DHX32: variants seen among roughly 807,000 people sequenced by gnomAD.
DHX32 encodes the protein putative pre-mRNA-splicing factor ATP-dependent RNA helicase DHX32.
Under a neutral mutation model 70.0 loss-of-function variants are expected in DHX32, and 51 were observed. The ratio of observed to expected loss-of-function variants is 0.73; its 90% CI spans 0.58 to 0.92. DHX32 has a LOEUF of 0.92. DHX32 is among the 40% of genes least tolerant of loss of function. The pLI is 0.00. For missense variants in DHX32, 762 were observed against 891.8 expected (o/e 0.85, Z 1.85); for synonymous variants, 310 against 315.3 (o/e 0.98, Z 0.18).
Position 125,841,828 on chromosome 10 carries a change from A to G in DHX32, c.1458T>C (p.Leu486=). The change falls in exon 7 of 11, where the codon CTT becomes CTC. Residue 486 remains leucine (L), a synonymous_variant. Coordinates refer to ENST00000284690, the MANE Select transcript of DHX32 (RefSeq NM_018180.3). ...EFGIIMSEFP[L]DPQLSKSILA... is the part of the protein sequence containing the mutation. ...AGATAGACTTCGAGAGTTGTGGATC[A>G]AGAGGAAACTCTGACATGATGATTC... The G allele has an allele frequency of 6.2e-7, 1 of 1,613,918 alleles. No homozygotes were observed. The highest frequency in any genetic ancestry group is 8.5e-7 in the Non-Finnish European group (1 of 1,179,982).
intron 1 of DHX32, among the ~76,000 whole-genome samples, chr10:125,894,995 C>T (rs1030646863): frequency 6.6e-6 from 1 of 152,304 alleles, no homozygotes; most frequent in Non-Finnish European, 1.5e-5. Context: ...ACTTTCCACC[C>T]TTAATTTATT....
intron 7 of DHX32, 165 bp downstream of exon 7, chr10:125,841,578 C>T: frequency 7.0e-7 from 1 of 1,430,772 alleles, no homozygotes; most frequent in African/African-American, 1.4e-5. Context: ...GAAAATTTTC[C>T]TTTTCTAACC....
chr10:125,860,505 G>C (rs1039946145), intron 2 of DHX32, among the ~76,000 whole-genome samples: 2 of 152,136 alleles, frequency 1.3e-5, no homozygotes, highest in Non-Finnish European at 2.9e-5. Context: ...TCATTAAGAT[G>C]TCATCCAAAT....
intron 8 of DHX32, 114 bp from the exon 9 acceptor site, chr10:125,839,302 G>T: frequency 9.3e-7 from 1 of 1,071,244 alleles, no homozygotes; most frequent in Non-Finnish European, 1.3e-6. Context: ...TACAAAGGAG[G>T]CCACGTAGGT....
At chr10:125,836,911 C>A in intron 10 of DHX32, 56 bp from the exon 11 acceptor site, 1 of 1,510,738 alleles carries the variant, frequency 6.6e-7, no homozygotes, top group Non-Finnish European at 9.1e-7. Flanking sequence ...GTGAGAGACA[C>A]CAAACATTAT....
intron 6 of DHX32, 102 bp from the exon 7 acceptor site, chr10:125,842,036 C>T (rs1306850852): frequency 4.4e-6 from 6 of 1,360,478 alleles, no homozygotes; most frequent in Non-Finnish European, 5.7e-6. Flanking sequence ...AAACAATGGA[C>T]AAAATATGTG....
rs150124444 is a variant in DHX32 at position 125,838,399 on chromosome 10, A to G, written c.1882-12T>C. On this transcript the variant is annotated splice_polypyrimidine_tract_variant and intron_variant, in intron 9 of 10. Coordinates refer to ENST00000284690, the MANE Select transcript of DHX32 (RefSeq NM_018180.3). ...ACATCCCGAGCAATCTGAAAGGCAG[A>G]ATTTTAAAGAAAAAAGATTTTGTAT... 6.4e-7 allele frequency: 1 copy of G among 1,551,176 alleles called. No homozygotes were observed. The highest frequency in any genetic ancestry group is 1.4e-5 in the African/African-American group (1 of 72,146).
At chr10:125,873,104 A>G (rs1352611773) in intron 1 of DHX32, among the ~76,000 whole-genome samples, 2 of 152,154 alleles carry the variant, frequency 1.3e-5, no homozygotes, top group Non-Finnish European at 2.9e-5. Context: ...ATCTGCAACC[A>G]GATCCAGATC....
intron 2 of DHX32, among the ~76,000 whole-genome samples, chr10:125,862,865 CA>C (rs930452591): frequency 1.8e-4 from 25 of 136,216 alleles, no homozygotes; most frequent in South Asian, 2.3e-4. Context: ...CAAAACAAAG[CA>C]AAAAAAAAAA....
At chr10:125,868,468 C>T (rs920787529) in intron 1 of DHX32, among the ~76,000 whole-genome samples, 3 of 152,098 alleles carry the variant, frequency 2.0e-5, no homozygotes, top group African/African-American at 7.2e-5. Flanking sequence ...CATAACTCAC[C>T]AGAAATACAA....
chr10:125,894,412 T>C (rs1466943104), intron 1 of DHX32, among the ~76,000 whole-genome samples: 1 of 152,228 alleles, frequency 6.6e-6, no homozygotes, highest in Non-Finnish European at 1.5e-5. Context: ...TTTCAGTGCC[T>C]TTACGCCTGA....
intron 7 of DHX32, chr10:125,841,368 A>G (rs768082409): frequency 2.0e-5 from 32 of 1,613,504 alleles, no homozygotes; most frequent in South Asian, 6.6e-5. Flanking sequence ...AAATTAAAAC[A>G]TACAAGCCAG....
intron 1 of DHX32, chr10:125,869,640 A>G (rs1468787819): frequency 2.0e-5 from 3 of 152,048 alleles, no homozygotes. Flanking sequence ...GCTGGTCTCA[A>G]TTGCCTGGGC....
chr10:125,890,919 G>T (rs1410934719), intron 1 of DHX32, among the ~76,000 whole-genome samples: 1 of 151,418 alleles, frequency 6.6e-6, no homozygotes, highest in African/African-American at 2.4e-5. Flanking sequence ...AAAAAATAGA[G>T]GTCACTTAAT....
Position 125,854,209 on chromosome 10 carries a change from G to GAA in DHX32, c.850-8_850-7dup. On this transcript the variant is annotated splice_region_variant and splice_polypyrimidine_tract_variant and intron_variant, in intron 3 of 10. Coordinates refer to ENST00000284690, the MANE Select transcript of DHX32 (RefSeq NM_018180.3). ...TCACAGACTTTCTCAATATCCTAAA[G>GAA]AAAAAAAAACCCATGAAAATAAAAT... is the stretch of plus-strand genomic sequence containing the variant. 2.6e-6 allele frequency: 4 copies of GAA among 1,510,462 alleles called. No individual in the cohort carries two copies. The highest frequency in any genetic ancestry group is 2.3e-5 in the Admixed American group (1 of 44,120). 93.6% of individuals were successfully genotyped at this position (1,510,462 alleles called of 1,614,324 possible).
chr10:125,880,585 G>C lies in DHX32; in HGVS notation c.240C>G (p.Ile80Met). The change falls in exon 1 of 11, where the codon ATC (isoleucine) becomes ATG (methionine). Residue 80 changes from isoleucine (I) to methionine (M), a missense_variant. This residue lies in a region of DHX32 where 394 missense variants were observed against 473.1 expected (regional missense o/e 0.83). Coordinates refer to ENST00000284690, the MANE Select transcript of DHX32 (RefSeq NM_018180.3). Reference protein sequence around the residue: ...SFMENLLQNQIVIVSGDAKCG... With the variant: ...SFMENLLQNQMVIVSGDAKCG... The stretch of plus-strand genomic sequence containing the variant: ...ATTTAGCATCTCCTGAAACAATCAC[G>C]ATTTGATTTTGAAGCAGGTTCTCCA... 6.2e-7 allele frequency: 1 copy of C among 1,612,856 alleles called. No homozygotes were observed. The highest frequency in any genetic ancestry group is 8.5e-7 in the Non-Finnish European group (1 of 1,179,180).
chr10:125,873,532 A>T (rs1944267834), intron 1 of DHX32, among the ~76,000 whole-genome samples: 1 of 152,150 alleles, frequency 6.6e-6, no homozygotes, highest in South Asian at 2.1e-4. Context: ...TACCAGAAAA[A>T]CAGAATCTAC....
chr10:125,866,858 A>T lies in DHX32; in HGVS notation c.476+132T>A. ...GAAAGCAACTGTTGCTGGCTGGCTGATGACAGAGACCAGTTGCTACTGCAC... is the reference window on the plus strand; with the variant it reads ...GAAAGCAACTGTTGCTGGCTGGCTGTTGACAGAGACCAGTTGCTACTGCAC... On this transcript the variant is annotated intron_variant, in intron 2 of 10. Transcript: ENST00000284690. The surrounding 1 kb of genome is among the most constrained non-coding windows in gnomAD (Gnocchi z 4.8). 1 of 900,806 alleles carries T rather than the reference A, an allele frequency of 1.1e-6. No individual in the cohort carries two copies. Among genetic ancestry groups the T allele is most frequent in the Non-Finnish European group, 1.7e-6 (1 of 605,486 alleles). The allele number at this position is 900,806 out of a possible 1,614,324, so 55.8% of individuals were successfully genotyped here.
At chr10:125,871,437 C>T (rs554682597) in intron 1 of DHX32, among the ~76,000 whole-genome samples, 4 of 152,332 alleles carry the variant, frequency 2.6e-5, no homozygotes, top group African/African-American at 9.6e-5. Context: ...GAAGTCACAA[C>T]AAATTATACT....
Sources: allele counts gnomAD v4.1 joint callset (sites outside exome capture counted in the v4.1 genomes callset), GRCh38; gene constraint gnomAD v4.1.1; regional missense constraint gnomAD v4.1.1; non-coding constraint Gnocchi (gnomAD v3.1); transcripts MANE v1.5; gene names NCBI Gene and HGNC (gene_info 2026-07-23, HGNC 2026-07-21).